SPTB: variants seen among roughly 807,000 people sequenced by gnomAD.
The protein encoded by SPTB is spectrin beta chain, erythrocytic.
Under a neutral mutation model 256.2 loss-of-function variants are expected in SPTB, and 45 were observed. That is an observed-to-expected ratio of 0.18 (90% CI 0.14 to 0.23). The LOEUF (loss-of-function observed/expected upper bound fraction) is 0.23, where lower values mean the gene tolerates loss of function less well. SPTB is among the 10% of genes least tolerant of loss of function. The pLI, the probability that SPTB is intolerant of heterozygous loss-of-function variation, is 1.00. For synonymous variants in SPTB, 1,231 were observed against 1,243.1 expected (o/e 0.99, Z 0.21); for missense variants, 2,715 against 3,040.4 (o/e 0.89, Z 2.52).
rs139838497 is a variant in SPTB, at chr14:64,859,694, GTCTCTCTC to G, written c.-52+20090_-52+20097del. Among the ~76,000 whole-genome samples, 268 of 52,948 alleles carry G rather than the reference GTCTCTCTC, an allele frequency of 5.1e-3. 1 individual carries two copies. The highest frequency in any genetic ancestry group is 0.011 in the African/African-American group (228 of 19,940). The allele number at this position is 52,948 out of a possible 152,430, so 34.7% of individuals were successfully genotyped here. On this transcript the variant is annotated intron_variant, in intron 1 of 35. Transcript: ENST00000644917. Reference sequence around the variant, plus strand: ...AGGGAGACTCTGTCTCTCTCTCTCTGTCTCTCTCTCTCTCTCTCTCTCTCTCTATATAT... The same window carrying G: ...AGGGAGACTCTGTCTCTCTCTCTCTGTCTCTCTCTCTCTCTCTCTATATAT...
At chr14:64,752,448 C>T (rs1331088366) in intron 33 of SPTB, 1 of 387,158 alleles carries the variant, frequency 2.6e-6, no homozygotes, top group African/African-American at 2.2e-5. Flanking sequence ...TGACTCCGCG[C>T]TCAGGGATCT....
intron 32 of SPTB, among the ~76,000 whole-genome samples, chr14:64,765,622 G>C (rs2082158233): frequency 6.6e-6 from 1 of 152,214 alleles, no homozygotes; most frequent in Non-Finnish European, 1.5e-5. Context: ...CTTCAAGTCT[G>C]TTCTTGCCCC....
At chr14:64,769,895 A>G (rs929989176) in intron 27 of SPTB, among the ~76,000 whole-genome samples, 167 bp from the exon 28 acceptor site, 25 of 152,224 alleles carry the variant, frequency 1.6e-4, no homozygotes, top group African/African-American at 5.8e-4. Flanking sequence ...CCCCAGCAGG[A>G]ACACAGATGC....
At chr14:64,856,385 T>A (rs555150426) in intron 1 of SPTB, among the ~76,000 whole-genome samples, 1 of 152,306 alleles carries the variant, frequency 6.6e-6, no homozygotes, top group East Asian at 1.9e-4. Flanking sequence ...TAAGTTCCTC[T>A]TCTTCCATGA....
chr14:64,793,829 T>G lies in SPTB; in HGVS notation c.1834A>C (p.Ile612Leu). Residue 612 changes from isoleucine to leucine, a missense_variant, in exon 14 of 36, where the codon ATC becomes CTC. Transcript: ENST00000644917. The surrounding 1 kb of genome is among the most constrained non-coding windows in gnomAD (Gnocchi z 7.0). ...TCAAAGCACTGCTCCAAGTGGCTGA[T>G]GCGGTCCTGGATGACCTGGGGGTCA... The part of the protein sequence containing the change: ...PCDPQVIQDR[I>L]SHLEQCFEEL... 6.2e-7 allele frequency: 1 copy of G among 1,610,614 alleles called. No homozygotes were observed. Among genetic ancestry groups the G allele is most frequent in the Non-Finnish European group, 8.5e-7 (1 of 1,179,932 alleles).
At chr14:64,868,812 T>C (rs1204342865) in intron 1 of SPTB, among the ~76,000 whole-genome samples, 1 of 152,188 alleles carries the variant, frequency 6.6e-6, no homozygotes, top group Non-Finnish European at 1.5e-5. Flanking sequence ...AGCTGCCTTA[T>C]GAGAGTGGGT....
At position 64,753,685 on chromosome 14, in the gene SPTB, G is replaced by C; in HGVS notation, c.6454C>G (p.Leu2152Val). Reference protein sequence around the residue: ...TGDERPTTEPLFKVLDTPLSE... With the variant: ...TGDERPTTEPVFKVLDTPLSE... ...AGAGGCGTATCTAGGACCTTAAAGA[G>C]GGGCTCCGTGGTGGGCCTCTCATCC... Residue 2152 changes from leucine to valine, a missense_variant, in exon 33 of 36, where the codon CTC (leucine) becomes GTC (valine). Around this residue, in one of 4 missense-constraint regions of SPTB, gnomAD observed 2,239 missense variants for 2,384.4 expected, o/e 0.94. Transcript: ENST00000644917. 1 of 1,613,722 alleles carries C rather than the reference G, an allele frequency of 6.2e-7. No homozygotes were observed. Among genetic ancestry groups the C allele is most frequent in the Non-Finnish European group, 8.5e-7 (1 of 1,180,036 alleles).
intron 9 of SPTB, among the ~76,000 whole-genome samples, chr14:64,798,346 T>A (rs2082816238): frequency 6.6e-6 from 1 of 152,100 alleles, no homozygotes; most frequent in African/African-American, 2.4e-5. Flanking sequence ...ATGAGCCAGA[T>A]CTCCTGACAA....
chr14:64,749,558 G>T lies in SPTB; in HGVS notation c.6820-85C>A. 1 of 1,603,854 alleles carries T rather than the reference G, an allele frequency of 6.2e-7. No individual in the cohort carries two copies. On this transcript the variant is annotated intron_variant, in intron 35 of 35. Coordinates refer to ENST00000644917, the MANE Select transcript of SPTB (RefSeq NM_001355436.2). The surrounding 1 kb of genome is among the most constrained non-coding windows in gnomAD (Gnocchi z 4.7). The stretch of plus-strand genomic sequence containing the variant: ...AGGCAACAATGGTGGGGGCTCTTGG[G>T]ACTGCCCCTTCTGAGGGGGCCTCCA...
chr14:64,818,823 C>G (rs1195986865), intron 2 of SPTB, among the ~76,000 whole-genome samples: 1 of 152,118 alleles, frequency 6.6e-6, no homozygotes, highest in African/African-American at 2.4e-5. Context: ...AAGGCTGGAA[C>G]CTTTTGGAAG....
Position 64,818,324 on chromosome 14 carries a change from C to T in SPTB, c.148+4623G>A, listed in dbSNP as rs970841096. Among the ~76,000 whole-genome samples, 13 of 152,278 alleles carry T rather than the reference C, an allele frequency of 8.5e-5. No homozygotes were observed. The South Asian group carries it at 2.1e-3, about 24-fold the overall frequency. On this transcript the variant is annotated intron_variant, in intron 2 of 35. Transcript: ENST00000644917. Reference sequence around the variant, plus strand: ...TGCACTGCGAGATGCCTCTGTGAGCCGAGGAGCTGTAAAACACGCAGCGGG... The same window carrying T: ...TGCACTGCGAGATGCCTCTGTGAGCTGAGGAGCTGTAAAACACGCAGCGGG...
Position 64,767,863 on chromosome 14 carries a change from C to T in SPTB, c.6023-4G>A. 1 of 1,613,638 alleles carries T rather than the reference C, an allele frequency of 6.2e-7. No individual in the cohort carries two copies. The highest frequency in any genetic ancestry group is 1.7e-5 in the Admixed American group (1 of 60,018). On this transcript the variant is annotated splice_polypyrimidine_tract_variant and splice_region_variant and intron_variant, in intron 29 of 35. Transcript: ENST00000644917. The stretch of plus-strand genomic sequence containing the variant: ...GAGAACTGGCACACCTCCAGCACTG[C>T]CAGGGGGAACAGGACACAGACCCCC...
chr14:64,816,704 G>A lies in SPTB; in HGVS notation c.148+6243C>T, dbSNP rs1235893020. On this transcript the variant is annotated intron_variant, in intron 2 of 35. Coordinates refer to ENST00000644917, the MANE Select transcript of SPTB (RefSeq NM_001355436.2). The surrounding 1 kb of genome is among the most constrained non-coding windows in gnomAD (Gnocchi z 4.2). ...GGAGGCAAAATGCTCCCAGAGACTC[G>A]GCTGCTACTAGCCTCCTTGTCACTC... Among the ~76,000 whole-genome samples, 2 of 152,216 alleles carry A rather than the reference G, an allele frequency of 1.3e-5. No homozygotes were observed. Among genetic ancestry groups the A allele is most frequent in the South Asian group, 2.1e-4 (1 of 4,818 alleles).
intron 15 of SPTB, among the ~76,000 whole-genome samples, chr14:64,789,527 C>T (rs1278817973): frequency 4.6e-5 from 7 of 152,142 alleles, no homozygotes; most frequent in Non-Finnish European, 1.0e-4. Context: ...GGATGTGCTG[C>T]TTTCCATGGG....
rs2139545657 is a variant in SPTB at position 64,782,400 on chromosome 14, G to T, written c.4156C>A (p.Gln1386Lys). 1 of 1,614,158 alleles carries T rather than the reference G, an allele frequency of 6.2e-7. No homozygotes were observed. The change falls in exon 20 of 36, where the codon CAG becomes AAG. Residue 1386 changes from glutamine (Q) to lysine (K), a missense_variant. Transcript: ENST00000644917. ...SAARSSDLRL[Q>K]THADLNKWIS... ...CACTTGTTGAGGTCAGCATGGGTCT[G>T]CAAGCGCAGGTCGGAGCTCCTGGCA...
intron 2 of SPTB, among the ~76,000 whole-genome samples, chr14:64,812,642 G>A (rs1224511761): frequency 6.6e-6 from 1 of 151,696 alleles, no homozygotes; most frequent in African/African-American, 2.4e-5. Flanking sequence ...TTCTCGGTGA[G>A]CAGCACACCA....
At position 64,797,116 on chromosome 14, in the gene SPTB, T is replaced by A. The variant is rs74056014; in HGVS notation, c.1183-401A>T. 9.4e-3 allele frequency among the ~76,000 whole-genome samples: 1,436 copies of A among 152,282 alleles called. 29 individuals are homozygous for A. The highest frequency in any genetic ancestry group is 0.033 in the African/African-American group (1,362 of 41,554). On this transcript the variant is annotated intron_variant, in intron 10 of 35. Transcript: ENST00000644917. ...TCCCTTTGGTTATAAGTAGTTAATATTCCATCTTCAAAGACAAACTCAAGG... is the reference window on the plus strand; with the variant it reads ...TCCCTTTGGTTATAAGTAGTTAATAATCCATCTTCAAAGACAAACTCAAGG...
At position 64,769,070 on chromosome 14, in the gene SPTB, C is replaced by T. The variant is rs1220872610; in HGVS notation, c.5986G>A (p.Glu1996Lys). 14 of 1,613,704 alleles carry T rather than the reference C, an allele frequency of 8.7e-6. No homozygotes were observed. Among genetic ancestry groups the T allele is most frequent in the East Asian group, 2.2e-5 (1 of 44,882 alleles). The part of the protein sequence containing the change: ...QVMSRRKEMN[E>K]KWEARWERLR... ...CGCTCCCAGCGGGCTTCCCACTTCT[C>T]ATTCATCTCTTTCCTCCTGGACATC... The change falls in exon 29 of 36, where the codon GAG becomes AAG. Residue 1996 changes from glutamate to lysine, a missense_variant. Physicochemically the swap from Glu to Lys is moderately conservative, Grantham distance 56. This residue lies in a region of SPTB where 2,239 missense variants were observed against 2,384.4 expected (regional missense o/e 0.94). Transcript: ENST00000644917.
intron 1 of SPTB, among the ~76,000 whole-genome samples, chr14:64,846,900 T>A (rs763566882): frequency 2.0e-5 from 3 of 152,130 alleles, no homozygotes; most frequent in Non-Finnish European, 4.4e-5. Context: ...CATCAGGAGC[T>A]CCTTCCACGG....
Sources: allele counts gnomAD v4.1 joint callset (sites outside exome capture counted in the v4.1 genomes callset), GRCh38; gene constraint gnomAD v4.1.1; regional missense constraint gnomAD v4.1.1; non-coding constraint Gnocchi (gnomAD v3.1); transcripts MANE v1.5; gene names NCBI Gene and HGNC (gene_info 2026-07-23, HGNC 2026-07-21).